The following LINGO2 variants were observed in gnomAD, a reference collection of about 807,000 sequenced individuals.
LINGO2 encodes the protein leucine-rich repeat and immunoglobulin-like domain-containing nogo receptor-interacting protein 2.
In LINGO2, 14 loss-of-function variants were observed where a neutral mutation model predicts 30.6. That is an observed-to-expected ratio of 0.46 (90% confidence interval 0.30 to 0.72). The LOEUF (loss-of-function observed/expected upper bound fraction) is 0.72. Among genes scored for constraint, LINGO2 ranks in the 30% least tolerant of loss-of-function variants. The probability of loss-of-function intolerance (pLI) is 0.07; values close to 1 mark genes in which losing one functional copy is unlikely to be tolerated. For synonymous variants in LINGO2, 317 were observed against 288.5 expected (o/e 1.10, Z -1.00); for missense variants, 729 against 751.7 (o/e 0.97, Z 0.35).
intron 1 of LINGO2, among the ~76,000 whole-genome samples, chr9:28,520,067 G>A (rs1360284899): frequency 1.3e-5 from 2 of 152,114 alleles, no homozygotes; most frequent in African/African-American, 4.8e-5. Flanking sequence ...TTAGCACTAT[G>A]AGTTTGTCTG....
intron 4 of LINGO2, among the ~76,000 whole-genome samples, chr9:28,098,553 C>T (rs1826317092): frequency 1.3e-5 from 2 of 152,190 alleles, no homozygotes; most frequent in East Asian, 1.9e-4. Context: ...GTAGTTACAT[C>T]CTTCAGGCAT....
At chr9:28,594,912 G>A (rs1587930496) in intron 1 of LINGO2, among the ~76,000 whole-genome samples, 1 of 152,078 alleles carries the variant, frequency 6.6e-6, no homozygotes, top group African/African-American at 2.4e-5. Flanking sequence ...GAGATGTGGT[G>A]TATAAATTTG....
At chr9:28,561,294 TTCAC>T (rs1563825765) in intron 1 of LINGO2, among the ~76,000 whole-genome samples, 1 of 151,816 alleles carries the variant, frequency 6.6e-6, no homozygotes, top group African/African-American at 2.4e-5. Flanking sequence ...TTAAAAAAAA[TTCAC>T]TCAATGTTAT....
chr9:27,999,713 A>G (rs538840476), intron 5 of LINGO2, among the ~76,000 whole-genome samples: 9 of 152,300 alleles, frequency 5.9e-5, no homozygotes, highest in East Asian at 5.8e-4. Flanking sequence ...TCTAAGTCCA[A>G]TGAAAGACTG....
At chr9:28,067,417 A>C (rs1181750972) in intron 4 of LINGO2, among the ~76,000 whole-genome samples, 1 of 152,184 alleles carries the variant, frequency 6.6e-6, no homozygotes, top group East Asian at 1.9e-4. Context: ...TTTCATGGAA[A>C]ATAAAAACAA....
the LINGO2 span, among the ~76,000 whole-genome samples, chr9:29,181,289 T>G: frequency 6.6e-6 from 1 of 152,176 alleles, no homozygotes; most frequent in Non-Finnish European, 1.5e-5. Flanking sequence ...AAATCACCAA[T>G]GGGTTCTTTG....
chr9:28,314,849 G>C (rs1824776231), intron 3 of LINGO2, among the ~76,000 whole-genome samples: 2 of 151,690 alleles, frequency 1.3e-5, no homozygotes, highest in African/African-American at 4.8e-5. Context: ...GCCGGGCGTG[G>C]TGGCGGGCAC....
the LINGO2 span, among the ~76,000 whole-genome samples, chr9:29,213,029 G>T: frequency 6.6e-6 from 1 of 152,142 alleles, no homozygotes; most frequent in African/African-American, 2.4e-5. Flanking sequence ...CAGCTCTGAA[G>T]GCTCCTCCTT....
At chr9:27,998,929 T>TA (rs1821804877) in intron 5 of LINGO2, among the ~76,000 whole-genome samples, 1 of 152,152 alleles carries the variant, frequency 6.6e-6, no homozygotes, top group South Asian at 2.1e-4. Context: ...AAAAATACTC[T>TA]AAGTTCAGCC....
intron 3 of LINGO2, among the ~76,000 whole-genome samples, chr9:28,311,053 C>A (rs147797923): frequency 0.031 from 4,759 of 152,054 alleles, 144 homozygotes; most frequent in South Asian, 0.094. Context: ...AAGTGTCAGC[C>A]GGTCTGAGAA....
the LINGO2 span, among the ~76,000 whole-genome samples, chr9:28,999,597 G>A: frequency 1.3e-5 from 2 of 151,712 alleles, no homozygotes; most frequent in East Asian, 3.9e-4. Flanking sequence ...TTCAAACTTT[G>A]TCATTTCTAG....
chr9:27,951,215 CTT>C (rs1344596705), intron 5 of LINGO2, among the ~76,000 whole-genome samples: 4 of 152,172 alleles, frequency 2.6e-5, no homozygotes, highest in Non-Finnish European at 5.9e-5. Flanking sequence ...ACAAAACAAA[CTT>C]ATATTCAGTG....
chr9:28,503,999 G>A (rs1819999569), intron 1 of LINGO2, among the ~76,000 whole-genome samples: 5 of 151,876 alleles, frequency 3.3e-5, no homozygotes, highest in Admixed American at 3.3e-4. Context: ...TTCTTTAACT[G>A]CCTATCATGT....
the LINGO2 span, among the ~76,000 whole-genome samples, chr9:29,165,992 C>G: frequency 2.0e-5 from 3 of 151,976 alleles, no homozygotes; most frequent in African/African-American, 7.2e-5. Flanking sequence ...GTGTATGTGT[C>G]TGTGTGTGTA....
At chr9:28,986,214 ATGTG>A in the LINGO2 span, among the ~76,000 whole-genome samples, 1 of 151,460 alleles carries the variant, frequency 6.6e-6, no homozygotes, top group South Asian at 2.1e-4. Flanking sequence ...CCACTGGCTG[ATGTG>A]TGTGTGTGTG....
At chr9:28,629,397 C>T (rs1826828483) in intron 1 of LINGO2, among the ~76,000 whole-genome samples, 1 of 151,938 alleles carries the variant, frequency 6.6e-6, no homozygotes, top group African/African-American at 2.4e-5. Flanking sequence ...TTCTTCTTCC[C>T]TTTTCTTTAC....
At chr9:28,048,020 C>T (rs940420434) in intron 4 of LINGO2, among the ~76,000 whole-genome samples, 6 of 150,110 alleles carry the variant, frequency 4.0e-5, no homozygotes, top group African/African-American at 7.5e-5. Context: ...AATCTAATCA[C>T]ATTAGACATT....
At chr9:28,522,556 C>G (rs752913544) in intron 1 of LINGO2, among the ~76,000 whole-genome samples, 1 of 152,050 alleles carries the variant, frequency 6.6e-6, no homozygotes, top group Non-Finnish European at 1.5e-5. Flanking sequence ...TTTGTCACTT[C>G]TAAGGAACTT....
At chr9:28,723,923 GA>G in the LINGO2 span, among the ~76,000 whole-genome samples, 7 of 150,378 alleles carry the variant, frequency 4.7e-5, no homozygotes, top group African/African-American at 1.7e-4. Flanking sequence ...GATGCAAAAA[GA>G]AAAAAAAATT....
Sources: allele counts gnomAD v4.1 joint callset (sites outside exome capture counted in the v4.1 genomes callset), GRCh38; gene constraint gnomAD v4.1.1; transcripts MANE v1.5; gene names NCBI Gene and HGNC (gene_info 2026-07-23, HGNC 2026-07-21).